ATRNL1: variants seen among roughly 807,000 people sequenced by gnomAD.
ATRNL1 encodes attractin like 1.
Under a neutral mutation model 182.7 loss-of-function variants are expected in ATRNL1, and 95 were observed. The observed-to-expected ratio is 0.52, with a 90% CI of 0.44 to 0.62. ATRNL1 has a LOEUF of 0.62. Among genes scored for constraint, ATRNL1 ranks in the 20% least tolerant of loss-of-function variants. The pLI is 0.00. For missense variants in ATRNL1, 1,471 were observed against 1,679.5 expected (o/e 0.88, Z 2.17); for synonymous variants, 576 against 568.3 (o/e 1.01, Z -0.19).
At chr10:115,231,076 C>T (rs553263469) in intron 9 of ATRNL1, among the ~76,000 whole-genome samples, 1 of 152,062 alleles carries the variant, frequency 6.6e-6, no homozygotes, top group Admixed American at 6.6e-5. Flanking sequence ...ATTTGAGGTA[C>T]ATACTATACA....
chr10:115,137,517 G>A (rs782530396), intron 5 of ATRNL1, among the ~76,000 whole-genome samples: 1 of 152,182 alleles, frequency 6.6e-6, no homozygotes, highest in Non-Finnish European at 1.5e-5. Flanking sequence ...ATTCCACATG[G>A]CTGGGGGGGC....
chr10:115,558,095 A>T (rs1262018184), intron 26 of ATRNL1, among the ~76,000 whole-genome samples: 2 of 151,856 alleles, frequency 1.3e-5, no homozygotes, highest in Non-Finnish European at 2.9e-5. Context: ...AAATACCTGG[A>T]AATAGTTTTA....
chr10:115,625,297 A>G (rs1858021823), intron 26 of ATRNL1, among the ~76,000 whole-genome samples: 2 of 152,200 alleles, frequency 1.3e-5, no homozygotes. Flanking sequence ...TGAAAATGGA[A>G]GAGTTGTCAC....
intron 19 of ATRNL1, among the ~76,000 whole-genome samples, chr10:115,365,508 G>A (rs1179674526): frequency 1.3e-5 from 2 of 151,960 alleles, no homozygotes; most frequent in African/African-American, 2.4e-5. Flanking sequence ...GGTTTTTTGT[G>A]TCTCTATTTC....
chr10:115,873,268 A>G (rs1160905912), intron 28 of ATRNL1, among the ~76,000 whole-genome samples: 1 of 152,234 alleles, frequency 6.6e-6, no homozygotes, highest in Non-Finnish European at 1.5e-5. Context: ...CAAGGATGAC[A>G]AGGAACCAGG....
intron 26 of ATRNL1, among the ~76,000 whole-genome samples, chr10:115,666,144 A>T (rs578123420): frequency 1.3e-5 from 2 of 152,298 alleles, no homozygotes; most frequent in East Asian, 3.9e-4. Flanking sequence ...AAAAATATAG[A>T]TTCTTTCTCA....
intron 9 of ATRNL1, among the ~76,000 whole-genome samples, chr10:115,225,384 C>T (rs1294080377): frequency 1.3e-5 from 2 of 150,834 alleles, no homozygotes; most frequent in Non-Finnish European, 3.0e-5. Context: ...GAAAGCTTTC[C>T]CTCTAAGATT....
chr10:115,821,877 A>C (rs1555090509), intron 27 of ATRNL1, among the ~76,000 whole-genome samples: 1 of 152,226 alleles, frequency 6.6e-6, no homozygotes, highest in Admixed American at 6.5e-5. Flanking sequence ...GCAACAAGAC[A>C]GAAAATTAAC....
At chr10:115,521,716 A>G (rs1454473112) in intron 25 of ATRNL1, among the ~76,000 whole-genome samples, 16 of 152,196 alleles carry the variant, frequency 1.1e-4, no homozygotes, top group Admixed American at 9.8e-4. Flanking sequence ...AAAATATTCT[A>G]ATCTTTGGGT....
At chr10:115,318,903 C>G (rs1039444613) in intron 18 of ATRNL1, among the ~76,000 whole-genome samples, 3 of 152,054 alleles carry the variant, frequency 2.0e-5, no homozygotes, top group Admixed American at 6.6e-5. Context: ...TAGTTCTGCT[C>G]TAATCTCAGT....
intron 26 of ATRNL1, among the ~76,000 whole-genome samples, chr10:115,567,393 A>G (rs1042383448): frequency 1.3e-5 from 2 of 152,176 alleles, no homozygotes; most frequent in African/African-American, 4.8e-5. Flanking sequence ...ATGAAAACAT[A>G]TCTCATTTTG....
At chr10:115,803,422 G>C (rs1444961324) in intron 27 of ATRNL1, among the ~76,000 whole-genome samples, 9 of 151,974 alleles carry the variant, frequency 5.9e-5, no homozygotes, top group African/African-American at 1.9e-4. Flanking sequence ...TTTTTAAATA[G>C]ACTACATTTA....
intron 5 of ATRNL1, among the ~76,000 whole-genome samples, chr10:115,131,330 A>G (rs1302279442): frequency 6.6e-6 from 1 of 152,174 alleles, no homozygotes; most frequent in East Asian, 1.9e-4. Flanking sequence ...ACGCAGAAAT[A>G]AGACAATTTT....
intron 26 of ATRNL1, among the ~76,000 whole-genome samples, chr10:115,603,533 A>G (rs1856722655): frequency 6.6e-6 from 1 of 152,218 alleles, no homozygotes. Flanking sequence ...TTATATCACA[A>G]CAGTCTACCC....
chr10:115,907,121 T>C (rs1952528070), intron 28 of ATRNL1, among the ~76,000 whole-genome samples: 1 of 152,244 alleles, frequency 6.6e-6, no homozygotes, highest in Admixed American at 6.5e-5. Context: ...CTGGCCACAG[T>C]TACACGTCTT....
At chr10:115,504,304 C>T (rs761237647) in intron 24 of ATRNL1, among the ~76,000 whole-genome samples, 3 of 151,914 alleles carry the variant, frequency 2.0e-5, no homozygotes, top group East Asian at 1.9e-4. Context: ...GTTCATTCCT[C>T]GGTATTGGCT....
At chr10:115,345,100 C>T (rs1855917012) in intron 19 of ATRNL1, among the ~76,000 whole-genome samples, 1 of 152,222 alleles carries the variant, frequency 6.6e-6, no homozygotes, top group Non-Finnish European at 1.5e-5. Context: ...CCTTAGTCAC[C>T]CCCTCTGCTG....
At chr10:115,255,166 G>T (rs964925331) in intron 10 of ATRNL1, among the ~76,000 whole-genome samples, 3 of 152,130 alleles carry the variant, frequency 2.0e-5, no homozygotes, top group Non-Finnish European at 4.4e-5. Flanking sequence ...TTCCAATTCT[G>T]TGAAGAAAGT....
At chr10:115,858,894 A>G (rs1951247612) in intron 28 of ATRNL1, among the ~76,000 whole-genome samples, 1 of 152,144 alleles carries the variant, frequency 6.6e-6, no homozygotes, top group Admixed American at 6.5e-5. Context: ...CTGCTATAAT[A>G]AAATATTAGA....
Sources: allele counts gnomAD v4.1 joint callset (sites outside exome capture counted in the v4.1 genomes callset), GRCh38; gene constraint gnomAD v4.1.1; transcripts MANE v1.5; gene names NCBI Gene and HGNC (gene_info 2026-07-23, HGNC 2026-07-21).